The following LDLRAD4 variants were observed in gnomAD, a reference collection of about 807,000 sequenced individuals.
LDLRAD4 encodes low density lipoprotein receptor class A domain containing 4, also known as low-density lipoprotein receptor class A domain-containing protein 4.
Under a neutral mutation model 17.0 loss-of-function variants are expected in LDLRAD4, and 5 were observed. The observed-to-expected ratio is 0.29, with a 90% confidence interval of 0.15 to 0.62. The LOEUF is 0.62. LDLRAD4 is among the 20% of genes least tolerant of loss of function. LDLRAD4 has a pLI of 0.84. For missense variants in LDLRAD4, 340 were observed against 424.7 expected, an observed-to-expected ratio of 0.80 and a Z score of 1.75; for synonymous variants, 168 against 171.8, an observed-to-expected ratio of 0.98 and a Z score of 0.17.
chr18:13,483,194 A>G (rs778871040), intron 3 of LDLRAD4, among the ~76,000 whole-genome samples: 2 of 152,288 alleles, frequency 1.3e-5, no homozygotes, highest in East Asian at 3.9e-4. Context: ...TCTCAAACCC[A>G]TCTCTCCACA....
upstream of LDLRAD4, among the ~76,000 whole-genome samples, chr18:13,273,296 T>G (rs955847622): frequency 1.3e-5 from 2 of 152,170 alleles, no homozygotes; most frequent in Non-Finnish European, 2.9e-5. Flanking sequence ...CTGGGCCTCC[T>G]TGTGTTTAAT....
intron 1 of LDLRAD4, among the ~76,000 whole-genome samples, chr18:13,262,815 C>T (rs1346270907): frequency 2.6e-5 from 2 of 77,446 alleles, no homozygotes; most frequent in Admixed American, 1.3e-4. Flanking sequence ...GAGTCCCGTG[C>T]GGCTCCGTGC....
intron 1 of LDLRAD4, among the ~76,000 whole-genome samples, chr18:13,305,479 T>G: frequency 6.6e-6 from 1 of 152,242 alleles, no homozygotes; most frequent in East Asian, 1.9e-4. Flanking sequence ...AAATTTCATG[T>G]CACAGTGAAA....
chr18:13,583,516 A>G (rs1194923628), intron 3 of LDLRAD4, among the ~76,000 whole-genome samples: 2 of 152,248 alleles, frequency 1.3e-5, no homozygotes, highest in African/African-American at 2.4e-5. Context: ...GTTGTAAAAA[A>G]TAAGTGTTAT....
chr18:13,474,406 T>G (rs2092882361), intron 3 of LDLRAD4, among the ~76,000 whole-genome samples: 1 of 152,192 alleles, frequency 6.6e-6, no homozygotes, highest in Admixed American at 6.5e-5. Context: ...CCTCAGGAGT[T>G]AGACACGTGT....
rs574832400 is a variant in LDLRAD4, at chr18:13,418,504, C to T, written c.41-19740C>T. 3.9e-5 allele frequency among the ~76,000 whole-genome samples: 6 copies of T among 152,338 alleles called. No homozygotes were observed. The South Asian group carries it at 6.2e-4, about 16-fold the overall frequency. On this transcript the variant is annotated intron_variant, in intron 2 of 5. Coordinates refer to ENST00000359446, the Ensembl canonical transcript of LDLRAD4. ...ACTCTGGTTGTGTTTTCTGTGTCTCCGGCCTCGCTGCTGTTGGCTTCTGGG... is the reference window on the plus strand; with the variant it reads ...ACTCTGGTTGTGTTTTCTGTGTCTCTGGCCTCGCTGCTGTTGGCTTCTGGG...
intron 1 of LDLRAD4, among the ~76,000 whole-genome samples, chr18:13,254,394 C>T (rs1246452041): frequency 2.0e-5 from 3 of 152,140 alleles, no homozygotes; most frequent in African/African-American, 4.8e-5. Context: ...CACTGGGCCA[C>T]GGTCTGGAGA....
intron 1 of LDLRAD4, among the ~76,000 whole-genome samples, chr18:13,310,815 T>G (rs181250809): frequency 1.3e-5 from 2 of 152,366 alleles, no homozygotes; most frequent in Non-Finnish European, 2.9e-5. Context: ...ATTAATGTAT[T>G]TATTTTTCCT....
At chr18:13,260,637 T>TTA (rs2043763950) in intron 1 of LDLRAD4, among the ~76,000 whole-genome samples, 1 of 152,220 alleles carries the variant, frequency 6.6e-6, no homozygotes, top group South Asian at 2.1e-4. Context: ...GTTGCTTTAT[T>TTA]ATTTATTGTT....
intron 1 of LDLRAD4, among the ~76,000 whole-genome samples, chr18:13,330,905 C>G: frequency 6.6e-6 from 1 of 152,096 alleles, no homozygotes; most frequent in South Asian, 2.1e-4. Flanking sequence ...CCATAAAAAC[C>G]CAAAGGACTG....
chr18:13,626,943 C>CCA (rs766268749), intron 4 of LDLRAD4, among the ~76,000 whole-genome samples: 26 of 152,356 alleles, frequency 1.7e-4, no homozygotes, highest in Admixed American at 3.3e-4. Flanking sequence ...CTGGTTTGCC[C>CCA]CACAGGGTGT....
At chr18:13,271,070 T>G (rs1487385281) in intron 1 of LDLRAD4, among the ~76,000 whole-genome samples, 1 of 152,252 alleles carries the variant, frequency 6.6e-6, no homozygotes, top group African/African-American at 2.4e-5. Flanking sequence ...CAATAATATA[T>G]GTTTATTATT....
intron 1 of LDLRAD4, among the ~76,000 whole-genome samples, chr18:13,307,529 A>T (rs2146673300): frequency 6.6e-6 from 1 of 152,032 alleles, no homozygotes; most frequent in East Asian, 1.9e-4. Context: ...TGATCCTCCC[A>T]CCTCAACCTC....
Position 13,367,141 on chromosome 18 carries a change from C to A in LDLRAD4, c.-382-20200C>A, listed in dbSNP as rs1188760249. Among the ~76,000 whole-genome samples, 1 of 152,152 alleles carries A rather than the reference C, an allele frequency of 6.6e-6. No individual in the cohort carries two copies. Among genetic ancestry groups the A allele is most frequent in the African/African-American group, 2.4e-5 (1 of 41,432 alleles). The stretch of plus-strand genomic sequence containing the variant: ...TCACACAGAACAGTCCTGTTGCTGT[C>A]CACAGGGAAGTCCTGTGGCTGTGGG... On this transcript the variant is annotated intron_variant, in intron 1 of 5. Transcript: ENST00000359446. The surrounding 1 kb of genome is among the most constrained non-coding windows in gnomAD (Gnocchi z 4.1).
At chr18:13,623,129 A>G (rs1195852946) in intron 4 of LDLRAD4, among the ~76,000 whole-genome samples, 1 of 152,262 alleles carries the variant, frequency 6.6e-6, no homozygotes, top group Non-Finnish European at 1.5e-5. Context: ...GAGGCCCAGC[A>G]GAAAAGCAAA....
chr18:13,522,331 C>G (rs1384536447), intron 3 of LDLRAD4: 1 of 152,168 alleles, frequency 6.6e-6, no homozygotes, highest in African/African-American at 2.4e-5. Flanking sequence ...AGAAAATCTC[C>G]TACAACAGAC....
At chr18:13,540,605 G>A (rs927580869) in intron 3 of LDLRAD4, among the ~76,000 whole-genome samples, 1 of 152,210 alleles carries the variant, frequency 6.6e-6, no homozygotes, top group Non-Finnish European at 1.5e-5. Context: ...GGGTTCGTCA[G>A]TGGTTATTTA....
chr18:13,609,167 A>G (rs942177770), intron 3 of LDLRAD4, among the ~76,000 whole-genome samples: 3 of 152,238 alleles, frequency 2.0e-5, no homozygotes, highest in Non-Finnish European at 4.4e-5. Flanking sequence ...TCCCTCTCCC[A>G]TGCCCTTCTG....
In LDLRAD4 at chr18:13,452,744, T is replaced by C. The variant is rs538203315; in HGVS notation, c.181+14360T>C. On this transcript the variant is annotated intron_variant, in intron 3 of 5. Coordinates refer to ENST00000359446, the Ensembl canonical transcript of LDLRAD4. ...CTCTCCACAATTCCACCAGGTCGCG[T>C]GTTTACTAATTGCTAAGTGCTTTAC... Among the ~76,000 whole-genome samples, 10 of 152,304 alleles carry C rather than the reference T, an allele frequency of 6.6e-5. No homozygotes were observed. The South Asian group carries it at 1.7e-3, about 25-fold the overall frequency.
Sources: allele counts gnomAD v4.1 joint callset (sites outside exome capture counted in the v4.1 genomes callset), GRCh38; gene constraint gnomAD v4.1.1; non-coding constraint Gnocchi (gnomAD v3.1); transcripts MANE v1.5; gene names NCBI Gene and HGNC (gene_info 2026-07-23, HGNC 2026-07-21).